The following NFILZ variants were observed in gnomAD, a reference collection of about 807,000 sequenced individuals.
NFILZ encodes the protein NFIL3 like basic leucine zipper.
intron 3 of NFILZ, among the ~76,000 whole-genome samples, chr19:8,648,954 T>G (rs561960359): frequency 6.6e-6 from 1 of 152,214 alleles, no homozygotes; most frequent in African/African-American, 2.4e-5. Flanking sequence ...ATTAAGCATA[T>G]TTATGTATTT....
intron 3 of NFILZ, among the ~76,000 whole-genome samples, chr19:8,646,479 A>G (rs797038931): frequency 2.6e-5 from 4 of 152,242 alleles, no homozygotes; most frequent in African/African-American, 9.6e-5. Context: ...CAGTTCTGCC[A>G]CTTGCTTCTG....
intron 3 of NFILZ, among the ~76,000 whole-genome samples, chr19:8,667,856 C>A (rs1480902710): frequency 6.6e-6 from 1 of 152,068 alleles, no homozygotes; most frequent in Non-Finnish European, 1.5e-5. Context: ...CTCCCATATA[C>A]TTTAAATCAT....
intron 3 of NFILZ, among the ~76,000 whole-genome samples, chr19:8,645,515 A>G (rs1452024225): frequency 6.6e-6 from 1 of 151,970 alleles, no homozygotes; most frequent in Non-Finnish European, 1.5e-5. Context: ...CCCAGCCAAC[A>G]CCTCATCTTT....
chr19:8,634,066 C>T (rs1442836586), intron 2 of NFILZ, among the ~76,000 whole-genome samples: 2 of 151,340 alleles, frequency 1.3e-5, no homozygotes, highest in Non-Finnish European at 1.5e-5. Flanking sequence ...GGCGCCATCT[C>T]GGCTCATTGC....
chr19:8,657,599 T>C (rs995120776), intron 3 of NFILZ, among the ~76,000 whole-genome samples: 16 of 151,990 alleles, frequency 1.1e-4, no homozygotes, highest in Non-Finnish European at 2.4e-4. Flanking sequence ...GTGTGTGGGA[T>C]TGTAGTTAGT....
chr19:8,651,771 G>A (rs782053774), intron 3 of NFILZ, among the ~76,000 whole-genome samples: 1 of 152,080 alleles, frequency 6.6e-6, no homozygotes, highest in Non-Finnish European at 1.5e-5. Flanking sequence ...GGCCTCAAGT[G>A]ATCCTCCCTC....
In NFILZ at chr19:8,656,338, CTG is replaced by C. The variant is rs1600147390; in HGVS notation, c.-163-18212_-163-18211del. On this transcript the variant is annotated intron_variant, in intron 3 of 5. Coordinates refer to ENST00000691075, the MANE Select transcript of NFILZ (RefSeq NM_001378600.1). ...CCTCCTCCCTGAAGCCCCCTTCTTC[CTG>C]AAGCCCACCTCTTCCCTGAAGCCCA... Among the ~76,000 whole-genome samples, 610 of 145,344 alleles carry C rather than the reference CTG, an allele frequency of 4.2e-3. 2 individuals are homozygous for C. Among genetic ancestry groups the C allele is most frequent in the Admixed American group, 6.4e-3 (95 of 14,746 alleles).
chr19:8,631,692 C>T (rs1416563534), intron 1 of NFILZ, among the ~76,000 whole-genome samples: 1 of 152,162 alleles, frequency 6.6e-6, no homozygotes, highest in African/African-American at 2.4e-5. Context: ...CCTTCGTGTC[C>T]AGCCCCTTTG....
At chr19:8,663,051 G>A (rs1346816727) in intron 3 of NFILZ, among the ~76,000 whole-genome samples, 1 of 149,992 alleles carries the variant, frequency 6.7e-6, no homozygotes, top group African/African-American at 2.5e-5. Context: ...GGGCTCAAGC[G>A]ATCCTCACGC....
chr19:8,633,049 C>T (rs1326865188), intron 2 of NFILZ, among the ~76,000 whole-genome samples: 3 of 120,028 alleles, frequency 2.5e-5, no homozygotes, highest in African/African-American at 9.9e-5. Context: ...GAGACAGAGC[C>T]TTGCTCTGTC....
chr19:8,658,102 A>G (rs1368880374), intron 3 of NFILZ, among the ~76,000 whole-genome samples: 2 of 152,170 alleles, frequency 1.3e-5, no homozygotes, highest in Admixed American at 1.3e-4. Flanking sequence ...AGCATGTGCA[A>G]AGGCCCTGAG....
At chr19:8,663,797 G>T (rs1568423423) in intron 3 of NFILZ, among the ~76,000 whole-genome samples, 1 of 60,056 alleles carries the variant, frequency 1.7e-5, no homozygotes, top group East Asian at 2.5e-4. Context: ...TTGTGGGGGG[G>T]ACTTGGTGGC....
Position 8,678,167 on chromosome 19 carries a change from A to T in NFILZ, c.*532A>T, listed in dbSNP as rs2043126356. On this transcript the variant is annotated 3_prime_UTR_variant, in exon 6 of 6. Coordinates refer to ENST00000691075, the MANE Select transcript of NFILZ (RefSeq NM_001378600.1). ...CACTTGTCCGTCCATCCATCCATCC[A>T]TCCATCCATCCATCCATCCATCCGT... Among the ~76,000 whole-genome samples, 1 of 29,574 alleles carries T rather than the reference A, an allele frequency of 3.4e-5. No individual in the cohort carries two copies. The highest frequency in any genetic ancestry group is 7.5e-5 in the Non-Finnish European group (1 of 13,256). 19.4% of individuals were successfully genotyped at this position (29,574 alleles called of 152,430 possible).
intron 3 of NFILZ, among the ~76,000 whole-genome samples, chr19:8,661,552 G>A (rs2043032004): frequency 6.6e-6 from 1 of 152,058 alleles, no homozygotes; most frequent in African/African-American, 2.4e-5. Flanking sequence ...ATACATCAAA[G>A]CCTCACATCA....
intron 3 of NFILZ, among the ~76,000 whole-genome samples, chr19:8,641,616 G>T (rs1370870432): frequency 6.6e-6 from 1 of 152,150 alleles, no homozygotes; most frequent in Non-Finnish European, 1.5e-5. Context: ...ACAAAGACTT[G>T]CTCAGGGTTA....
intron 3 of NFILZ, among the ~76,000 whole-genome samples, chr19:8,644,772 C>CT (rs5827010): frequency 0.36 from 52,528 of 146,650 alleles, 9,408 homozygotes; most frequent in East Asian, 0.51. Flanking sequence ...AGCCAGATGA[C>CT]TTTTTTTTTT....
chr19:8,640,419 AAC>A (rs2042914435), intron 3 of NFILZ, among the ~76,000 whole-genome samples: 1 of 149,546 alleles, frequency 6.7e-6, no homozygotes, highest in Non-Finnish European at 1.5e-5. Context: ...CTTGTTGCAT[AAC>A]ACAGCATAGA....
chr19:8,667,823 G>C (rs1213552187), intron 3 of NFILZ, among the ~76,000 whole-genome samples: 1 of 152,112 alleles, frequency 6.6e-6, no homozygotes, highest in Admixed American at 6.6e-5. Context: ...TGGGATTATA[G>C]GCGTGAGCCA....
intron 3 of NFILZ, among the ~76,000 whole-genome samples, chr19:8,644,376 C>G (rs1215014778): frequency 6.6e-6 from 1 of 152,146 alleles, no homozygotes; most frequent in African/African-American, 2.4e-5. Flanking sequence ...GCTGGGATTA[C>G]AGGCATGAGC....
Sources: allele counts gnomAD v4.1 joint callset (sites outside exome capture counted in the v4.1 genomes callset), GRCh38; gene constraint gnomAD v4.1.1; transcripts MANE v1.5; gene names NCBI Gene and HGNC (gene_info 2026-07-23, HGNC 2026-07-21).